The following USP32 variants were observed in gnomAD, a reference collection of about 807,000 sequenced individuals.
USP32 encodes the protein ubiquitin carboxyl-terminal hydrolase 32.
Under a neutral mutation model 204.8 loss-of-function variants are expected in USP32, and 59 were observed. The observed-to-expected ratio is 0.29, with a 90% CI of 0.23 to 0.36. The LOEUF is 0.36. Among genes scored for constraint, USP32 ranks in the 10% least tolerant of loss-of-function variants. The pLI, the probability that USP32 is intolerant of heterozygous loss-of-function variation, is 1.00. For missense variants in USP32, 1,160 were observed against 1,946.4 expected (o/e 0.60, Z 7.60); for synonymous variants, 517 against 678.4 (o/e 0.76, Z 3.70).
At chr17:60,311,417 G>A (rs1178357273) in intron 2 of USP32, among the ~76,000 whole-genome samples, 1 of 152,152 alleles carries the variant, frequency 6.6e-6, no homozygotes, top group Non-Finnish European at 1.5e-5. Context: ...TGTCATCCCA[G>A]TAAATAATAT....
chr17:60,299,208 A>G (rs2145883409), intron 3 of USP32, among the ~76,000 whole-genome samples: 1 of 152,338 alleles, frequency 6.6e-6, no homozygotes, highest in South Asian at 2.1e-4. Flanking sequence ...TGTGCATATT[A>G]TTGTATGACA....
At chr17:60,231,379 C>G in intron 12 of USP32, 1 of 288,072 alleles carries the variant, frequency 3.5e-6, no homozygotes, top group Non-Finnish European at 7.3e-6. Flanking sequence ...ACACTGAGCT[C>G]TAGAGTGCTA....
intron 4 of USP32, among the ~76,000 whole-genome samples, chr17:60,294,163 C>A (rs2087363147): frequency 6.6e-6 from 1 of 152,152 alleles, no homozygotes; most frequent in African/African-American, 2.4e-5. Context: ...ACCTGGGTCA[C>A]CCAAAGTACT....
At chr17:60,274,667 T>C (rs1432313389) in intron 5 of USP32, among the ~76,000 whole-genome samples, 1 of 151,986 alleles carries the variant, frequency 6.6e-6, no homozygotes, top group Non-Finnish European at 1.5e-5. Flanking sequence ...CACGTGAAAA[T>C]ATTCTTCAAA....
At chr17:60,244,098 C>T (rs1355236859) in intron 11 of USP32, among the ~76,000 whole-genome samples, 1 of 138,592 alleles carries the variant, frequency 7.2e-6, no homozygotes, top group Non-Finnish European at 1.5e-5. Context: ...TGCAGTGACG[C>T]GATCTCGGCT....
chr17:60,348,319 A>T (rs1034692414), intron 1 of USP32, among the ~76,000 whole-genome samples: 1 of 152,188 alleles, frequency 6.6e-6, no homozygotes, highest in Non-Finnish European at 1.5e-5. Flanking sequence ...CAAAACTAGA[A>T]GAAGCCAGTG....
Position 60,391,987 on chromosome 17 carries a change from ACC to A in USP32, c.-50_-49del. The A allele has an allele frequency of 8.1e-7, 1 of 1,237,406 alleles. No homozygotes were observed. Among genetic ancestry groups the A allele is most frequent in the Non-Finnish European group, 1.0e-6 (1 of 971,280 alleles). 76.7% of individuals were successfully genotyped at this position (1,237,406 alleles called of 1,614,324 possible). On this transcript the variant is annotated 5_prime_UTR_variant, in exon 1 of 34. Transcript: ENST00000300896. ...GGGGTCGGAGCCTGATCTCGCCCCC[ACC>A]CCCCTCCCGCCTTCTCCTCGGCGTC...
chr17:60,277,020 GT>G (rs2086856841), intron 5 of USP32, among the ~76,000 whole-genome samples: 1 of 151,568 alleles, frequency 6.6e-6, no homozygotes, highest in African/African-American at 2.4e-5. Context: ...GGAAGAGGGA[GT>G]TTAACTAACC....
In USP32 at chr17:60,301,660, G is replaced by A. The variant is rs773444568; in HGVS notation, c.231C>T (p.Phe77=). Residue 77 remains phenylalanine, a synonymous_variant, in exon 3 of 34, where the codon TTC becomes TTT. Transcript: ENST00000300896. ...SFGGTSKGLH[F]NNLIVGLVLL... is the part of the protein sequence containing the mutation. Reference sequence around the variant, plus strand: ...GGACAAGTCCAACTATTAAATTATTGAAGTGCAGCCCTTTGGATGTTCCAC... The same window carrying A: ...GGACAAGTCCAACTATTAAATTATTAAAGTGCAGCCCTTTGGATGTTCCAC... 5.0e-6 allele frequency: 8 copies of A among 1,598,672 alleles called. No individual in the cohort carries two copies. Among genetic ancestry groups the A allele is most frequent in the Non-Finnish European group, 6.0e-6 (7 of 1,176,322 alleles).
chr17:60,317,420 C>A (rs544501336), intron 2 of USP32, among the ~76,000 whole-genome samples: 1 of 149,804 alleles, frequency 6.7e-6, no homozygotes, highest in African/African-American at 2.5e-5. Flanking sequence ...GGAGGCTGAG[C>A]TGGGAGGATT....
At chr17:60,369,280 C>T (rs2146081763) in intron 1 of USP32, among the ~76,000 whole-genome samples, 1 of 138,304 alleles carries the variant, frequency 7.2e-6, no homozygotes, top group Middle Eastern at 3.5e-3. Flanking sequence ...AGGCGTGAGC[C>T]ACCGCGCCCG....
Position 60,213,668 on chromosome 17 carries a change from T to A in USP32, c.2023-6A>T. The stretch of plus-strand genomic sequence containing the variant: ...TCCAGAAGAGTAAGGTAGTTCTGTG[T>A]AAGGAGGAGGAAATGTTTTTGTTAT... On this transcript the variant is annotated splice_polypyrimidine_tract_variant and splice_region_variant and intron_variant, in intron 17 of 33. Coordinates refer to ENST00000300896, the MANE Select transcript of USP32 (RefSeq NM_032582.4). 8.7e-7 allele frequency: 1 copy of A among 1,142,862 alleles called. No individual in the cohort carries two copies. The highest frequency in any genetic ancestry group is 2.5e-5 in the East Asian group (1 of 39,248). 70.8% of individuals were successfully genotyped at this position (1,142,862 alleles called of 1,614,324 possible).
intron 31 of USP32, 137 bp downstream of exon 31, chr17:60,183,028 C>T: frequency 1.1e-5 from 14 of 1,261,166 alleles, no homozygotes; most frequent in Middle Eastern, 2.9e-4. Flanking sequence ...ACTTACATAG[C>T]TCAAATACAG....
intron 5 of USP32, 142 bp downstream of exon 5, chr17:60,288,381 C>T (rs942569562): frequency 1.3e-5 from 13 of 981,134 alleles, no homozygotes; most frequent in Admixed American, 3.1e-5. Flanking sequence ...TTGAGACTGC[C>T]GTAAGCCACG....
At chr17:60,374,665 G>A (rs984684476) in intron 1 of USP32, among the ~76,000 whole-genome samples, 1 of 152,040 alleles carries the variant, frequency 6.6e-6, no homozygotes, top group East Asian at 1.9e-4. Context: ...GAGCCACCAC[G>A]TTCAGCCAAC....
At chr17:60,220,054 A>T (rs866947447) in intron 15 of USP32, among the ~76,000 whole-genome samples, 5 of 151,804 alleles carry the variant, frequency 3.3e-5, no homozygotes, top group Non-Finnish European at 5.9e-5. Flanking sequence ...CTGAGGAAAA[A>T]AAAAAACCCT....
intron 1 of USP32, among the ~76,000 whole-genome samples, chr17:60,420,536 A>C (rs1598328240): frequency 6.6e-6 from 1 of 152,006 alleles, no homozygotes; most frequent in East Asian, 1.9e-4. Context: ...ACGCGGTGGC[A>C]CAAGCCTGTA....
chr17:60,204,300 G>A (rs1598059283), intron 26 of USP32, among the ~76,000 whole-genome samples: 1 of 152,236 alleles, frequency 6.6e-6, no homozygotes, highest in East Asian at 1.9e-4. Flanking sequence ...CATAAATTTT[G>A]TGTGTGTTGG....
chr17:60,364,097 A>C (rs1055376890), intron 1 of USP32, among the ~76,000 whole-genome samples: 1 of 152,206 alleles, frequency 6.6e-6, no homozygotes, highest in Non-Finnish European at 1.5e-5. Flanking sequence ...CCAAGATCAA[A>C]GTACCAGCAG....
Sources: allele counts gnomAD v4.1 joint callset (sites outside exome capture counted in the v4.1 genomes callset), GRCh38; gene constraint gnomAD v4.1.1; transcripts MANE v1.5; gene names NCBI Gene and HGNC (gene_info 2026-07-23, HGNC 2026-07-21).